The following GHR variants were observed in gnomAD, a reference collection of about 807,000 sequenced individuals.
GHR encodes the protein GH receptor.
A neutral mutation model predicts 67.1 loss-of-function variants in GHR; 35 were observed. That is an observed-to-expected ratio of 0.52 (90% CI 0.40 to 0.69). The LOEUF is 0.69. Among genes scored for constraint, GHR ranks in the 30% least tolerant of loss-of-function variants. The pLI is 0.00. For missense variants in GHR, 792 were observed against 764.6 expected, an observed-to-expected ratio of 1.04 and a Z score of -0.42; for synonymous variants, 272 against 269.1, an observed-to-expected ratio of 1.01 and a Z score of -0.10.
At chr5:42,671,107 G>C (rs967213320) in intron 3 of GHR, among the ~76,000 whole-genome samples, 3 of 152,004 alleles carry the variant, frequency 2.0e-5, no homozygotes, top group Admixed American at 6.6e-5. Context: ...GGGTGTTCTA[G>C]CATGCTATTA....
chr5:42,458,231 A>T (rs1208623356), intron 1 of GHR, among the ~76,000 whole-genome samples: 2 of 152,340 alleles, frequency 1.3e-5, no homozygotes, highest in African/African-American at 4.8e-5. Context: ...TTCAAATCAT[A>T]CTACAAGGCT....
chr5:42,466,082 T>C (rs969719768), intron 1 of GHR: 3 of 355,586 alleles, frequency 8.4e-6, no homozygotes, highest in Non-Finnish European at 1.6e-5. Flanking sequence ...GGGCTGTTGG[T>C]TGCATCTTAC....
intron 3 of GHR, among the ~76,000 whole-genome samples, chr5:42,686,990 C>T (rs111648953): frequency 0.017 from 2,658 of 152,240 alleles, 137 homozygotes; most frequent in South Asian, 0.15. Context: ...TCTCAGGATA[C>T]GAAATCAAAG....
rs146597461 is a variant in GHR, at chr5:42,693,068, C to T, written c.267-1849C>T. Among the ~76,000 whole-genome samples, 167 of 152,022 alleles carry T rather than the reference C, an allele frequency of 1.1e-3. 1 individual carries two copies. The highest frequency in any genetic ancestry group is 3.9e-3 in the African/African-American group (160 of 41,496). On this transcript the variant is annotated intron_variant, in intron 4 of 9. Transcript: ENST00000230882. ...ACTTACACACACACACACAAACACA[C>T]CTTATCTTTTCTTCTGCCTTTTGCC...
At chr5:42,445,975 A>G (rs898979468) in intron 1 of GHR, among the ~76,000 whole-genome samples, 2 of 152,222 alleles carry the variant, frequency 1.3e-5, no homozygotes, top group Non-Finnish European at 2.9e-5. Flanking sequence ...GGCTCACTGT[A>G]GAGAGAAGCC....
intron 3 of GHR, among the ~76,000 whole-genome samples, chr5:42,662,296 A>G (rs1037497204): frequency 5.9e-5 from 9 of 152,336 alleles, no homozygotes; most frequent in African/African-American, 2.2e-4. Context: ...AATCAACAGA[A>G]TATACATTTT....
chr5:42,591,275 A>T (rs977299917), intron 2 of GHR, among the ~76,000 whole-genome samples: 1 of 152,236 alleles, frequency 6.6e-6, no homozygotes, highest in Non-Finnish European at 1.5e-5. Context: ...GCATTTGGTC[A>T]TCAAAGGAGT....
chr5:42,620,629 T>C (rs2112711394), intron 2 of GHR, among the ~76,000 whole-genome samples: 1 of 152,288 alleles, frequency 6.6e-6, no homozygotes, highest in South Asian at 2.1e-4. Flanking sequence ...TACACAGGAC[T>C]AGAAGGTAGG....
chr5:42,620,273 T>C (rs1753376428), intron 2 of GHR, among the ~76,000 whole-genome samples: 1 of 110,690 alleles, frequency 9.0e-6, no homozygotes, highest in Non-Finnish European at 2.3e-5. Flanking sequence ...AAAGTAATAT[T>C]ATAAGTAAAA....
Position 42,551,963 on chromosome 5 carries a change from A to G in GHR, c.-11-13901A>G, listed in dbSNP as rs141251078. Among the ~76,000 whole-genome samples, 552 of 152,356 alleles carry G rather than the reference A, an allele frequency of 3.6e-3. 13 individuals are homozygous for G. Among genetic ancestry groups the G allele is most frequent in the Admixed American group, 0.034 (516 of 15,300 alleles). The stretch of plus-strand genomic sequence containing the variant: ...ATGAATGGTTTGGTACTGTTTTACA[A>G]GATGTGAAAACTGATTTCACTTAAG... On this transcript the variant is annotated intron_variant, in intron 1 of 9. Coordinates refer to ENST00000230882, the MANE Select transcript of GHR (RefSeq NM_000163.5).
At position 42,641,695 on chromosome 5, in the gene GHR, T is replaced by C. The variant is rs530736815; in HGVS notation, c.136+12592T>C. 1.1e-4 allele frequency among the ~76,000 whole-genome samples: 17 copies of C among 152,316 alleles called. 1 individual carries two copies. In the South Asian group the frequency reaches 3.5e-3, roughly 32 times the overall value. Reference sequence around the variant, plus strand: ...GTGAAAGACCAGCTGGGGCAAATATTTTGGATTAAGTAAAATTTGTCTTGG... The same window carrying C: ...GTGAAAGACCAGCTGGGGCAAATATCTTGGATTAAGTAAAATTTGTCTTGG... On this transcript the variant is annotated intron_variant, in intron 3 of 9. Coordinates refer to ENST00000230882, the MANE Select transcript of GHR (RefSeq NM_000163.5).
intron 2 of GHR, among the ~76,000 whole-genome samples, chr5:42,622,741 C>T (rs1753512180): frequency 6.6e-6 from 1 of 152,132 alleles, no homozygotes; most frequent in Non-Finnish European, 1.5e-5. Context: ...AATTATGATT[C>T]TTGCCAGAAC....
intron 3 of GHR, among the ~76,000 whole-genome samples, chr5:42,647,295 C>T (rs962944088): frequency 1.1e-4 from 16 of 152,014 alleles, no homozygotes; most frequent in African/African-American, 3.9e-4. Flanking sequence ...TAAAAATCGG[C>T]CGGGCGTTGT....
chr5:42,551,058 C>A (rs79536054), intron 1 of GHR, among the ~76,000 whole-genome samples: 6,772 of 152,254 alleles, frequency 0.044, 536 homozygotes, highest in African/African-American at 0.16. Context: ...GACATTATAT[C>A]CACTGACAGA....
chr5:42,627,807 A>G (rs1283353526), intron 2 of GHR, among the ~76,000 whole-genome samples: 1 of 152,204 alleles, frequency 6.6e-6, no homozygotes, highest in Non-Finnish European at 1.5e-5. Context: ...TTGAGTGTTA[A>G]TCAGCTCAAT....
chr5:42,618,877 T>C (rs1753300862), intron 2 of GHR, among the ~76,000 whole-genome samples: 1 of 152,074 alleles, frequency 6.6e-6, no homozygotes, highest in South Asian at 2.1e-4. Flanking sequence ...TTTAAGGGAA[T>C]GGAGAGAAAT....
intron 3 of GHR, among the ~76,000 whole-genome samples, chr5:42,639,840 C>T (rs1176614738): frequency 6.6e-6 from 1 of 152,148 alleles, no homozygotes; most frequent in Admixed American, 6.5e-5. Flanking sequence ...TGCTCTGCTC[C>T]TCCACCCTTG....
intron 1 of GHR, among the ~76,000 whole-genome samples, chr5:42,543,640 C>A (rs1748612098): frequency 6.6e-6 from 1 of 152,144 alleles, no homozygotes; most frequent in Non-Finnish European, 1.5e-5. Context: ...ATTTTAAGCA[C>A]TTTTAAAGAT....
chr5:42,683,948 T>A (rs1757013025), intron 3 of GHR, among the ~76,000 whole-genome samples: 2 of 151,844 alleles, frequency 1.3e-5, no homozygotes, highest in African/African-American at 4.9e-5. Flanking sequence ...TTCAGATTAG[T>A]TATTTTTTCT....
Sources: gnomAD v4.1 joint callset for allele counts (sites outside exome capture counted in the v4.1 genomes callset) on GRCh38, gnomAD v4.1.1 for gene constraint, MANE v1.5 for transcripts, NCBI Gene and HGNC (gene_info 2026-07-23, HGNC 2026-07-21) for gene names.